Variants in PPL observed in about 807,000 individuals in gnomAD.
PPL encodes the protein periplakin.
In PPL, 198 loss-of-function variants were observed where a neutral mutation model predicts 194.4. That is an observed-to-expected ratio of 1.02 (90% CI 0.91 to 1.15). The LOEUF is 1.15. PPL is among the 50% of genes most tolerant of loss of function. The pLI, the probability that PPL is intolerant of heterozygous loss-of-function variation, is 0.00. For missense variants in PPL, 2,885 were observed against 2,294.8 expected, an observed-to-expected ratio of 1.26 and a Z score of -5.25; for synonymous variants, 1,220 against 972.4, an observed-to-expected ratio of 1.25 and a Z score of -4.74.
In PPL at chr16:4,901,023, T is replaced by G. The variant is rs778610287; in HGVS notation, c.505A>C (p.Asn169His). The G allele has an allele frequency of 6.2e-7, 1 of 1,614,178 alleles. No homozygotes were observed. Among genetic ancestry groups the G allele is most frequent in the Non-Finnish European group, 8.5e-7 (1 of 1,180,028 alleles). Reference protein sequence around the residue: ...PLVDHQVEEHNIFHNEVKAIG... With the variant: ...PLVDHQVEEHHIFHNEVKAIG... ...GCCTTGACCTCATTGTGGAAGATGT[T>G]ATGCTCCTCCACTTGGTGGTCCACC... Residue 169 changes from asparagine to histidine, a missense_variant, in exon 5 of 22, where the codon AAC (asparagine) becomes CAC (histidine). Coordinates refer to ENST00000345988, the MANE Select transcript of PPL (RefSeq NM_002705.5).
chr16:4,891,843 G>C lies in PPL; in HGVS notation c.1936C>G (p.Arg646Gly), dbSNP rs181246047. The change falls in exon 16 of 22, where the codon CGT becomes GGT. Residue 646 changes from arginine to glycine, a missense_variant. By Grantham distance (125) the Arg-to-Gly change is moderately radical. Transcript: ENST00000345988. ...TCCTGCCCCTTGCTGTCCAGGACAC[G>C]GCTGCTCTCAGGCACTGTGTCATCC... ...NQDDTVPESS[R>G]VLDSKGQELA... The C allele has an allele frequency of 1.9e-6, 3 of 1,613,254 alleles. No individual in the cohort carries two copies. The highest frequency in any genetic ancestry group is 8.5e-7 in the Non-Finnish European group (1 of 1,179,904).
At position 4,892,988 on chromosome 16, in the gene PPL, G is replaced by T. The variant is rs148803671; in HGVS notation, c.1650+225C>A. On this transcript the variant is annotated intron_variant, in intron 14 of 21. Coordinates refer to ENST00000345988, the MANE Select transcript of PPL (RefSeq NM_002705.5). Reference sequence around the variant, plus strand: ...ATGCCAGGCGTCAGATCGACAAGCCGTGCAGGAACAATGCAAGTCCTGCCA... The same window carrying T: ...ATGCCAGGCGTCAGATCGACAAGCCTTGCAGGAACAATGCAAGTCCTGCCA... 9.5e-6 allele frequency: 5 copies of T among 527,786 alleles called. No homozygotes were observed. In the East Asian group the frequency reaches 1.3e-4, roughly 14 times the overall value. 32.7% of individuals were successfully genotyped at this position (527,786 alleles called of 1,614,324 possible).
intron 8 of PPL, among the ~76,000 whole-genome samples, chr16:4,898,326 C>A (rs1297062646): frequency 6.6e-6 from 1 of 152,124 alleles, no homozygotes; most frequent in Admixed American, 6.5e-5. Context: ...TGCAGTGAGC[C>A]AAGATTACAC....
At chr16:4,916,918 T>C (rs1596576141) in intron 1 of PPL, among the ~76,000 whole-genome samples, 1 of 151,978 alleles carries the variant, frequency 6.6e-6, no homozygotes, top group Non-Finnish European at 1.5e-5. Flanking sequence ...TCACCTGAGG[T>C]CAGGAGTTCG....
At position 4,892,105 on chromosome 16, in the gene PPL, T is replaced by G. The variant is rs2088331604; in HGVS notation, c.1759A>C (p.Arg587=). 4.3e-6 allele frequency: 7 copies of G among 1,613,800 alleles called. No homozygotes were observed. The highest frequency in any genetic ancestry group is 5.1e-6 in the Non-Finnish European group (6 of 1,180,022). Residue 587 remains arginine, a synonymous_variant, in exon 15 of 22, where the codon AGG becomes CGG. Transcript: ENST00000345988. ...CGGTTGGTGTCCTCCACCCGGGTCC[T>G]CAGCAGGGGTGTGGTGCCACTGCCT... ...LPGSGTTPLL[R]TRVEDTNRKY...
rs372157993 is a variant in PPL at position 4,883,420 on chromosome 16, G to C, written c.5235C>G (p.Ile1745Met). ...YDRYVNKDMS[I>M]QELAVLVSGQ... ...CAGATACCAAGACCGCCAGCTCCTG[G>C]ATGGACATATCCTTGTTGACATAGC... The change falls in exon 22 of 22, where the codon ATC becomes ATG. Residue 1745 changes from isoleucine (I) to methionine (M), a missense_variant. Coordinates refer to ENST00000345988, the MANE Select transcript of PPL (RefSeq NM_002705.5). The surrounding 1 kb of genome is among the most constrained non-coding windows in gnomAD (Gnocchi z 4.8). 3 of 1,614,040 alleles carry C rather than the reference G, an allele frequency of 1.9e-6. No homozygotes were observed. In the African/African-American group the frequency reaches 4.0e-5, roughly 22 times the overall value.
At chr16:4,893,060 G>T in intron 14 of PPL, 153 bp downstream of exon 14, 1 of 1,007,738 alleles carries the variant, frequency 9.9e-7, no homozygotes, top group Non-Finnish European at 1.4e-6. Flanking sequence ...CCACCTCCAT[G>T]ACTTGGGACC....
At chr16:4,927,781 C>T (rs1274206192) in intron 1 of PPL, among the ~76,000 whole-genome samples, 2 of 152,206 alleles carry the variant, frequency 1.3e-5, no homozygotes, top group African/African-American at 4.8e-5. Context: ...CAGGGAAGGC[C>T]GCCCTGCCTC....
At chr16:4,935,083 G>A (rs950537573) in intron 1 of PPL, among the ~76,000 whole-genome samples, 10 of 152,146 alleles carry the variant, frequency 6.6e-5, no homozygotes, top group African/African-American at 2.4e-4. Flanking sequence ...ATCAGCCTAG[G>A]ACAGACCGTG....
In PPL at chr16:4,893,380, G is replaced by C. The variant is rs201797532; in HGVS notation, c.1493-10C>G. ...TGTAGGTCAGAGGCATCTGTGGAGG[G>C]AGGGAGGACACAGGCAGGTGTGACA... On this transcript the variant is annotated splice_polypyrimidine_tract_variant and intron_variant, in intron 13 of 21. Coordinates refer to ENST00000345988, the MANE Select transcript of PPL (RefSeq NM_002705.5). The C allele has an allele frequency of 1.0e-4, 167 of 1,604,574 alleles. 1 individual carries two copies. The highest frequency in any genetic ancestry group is 2.7e-5 in the African/African-American group (2 of 75,030).
chr16:4,910,831 TG>T lies in PPL; in HGVS notation c.162+18del, dbSNP rs759106947. The T allele has an allele frequency of 2.6e-5, 41 of 1,606,410 alleles. No homozygotes were observed. The highest frequency in any genetic ancestry group is 3.5e-5 in the Non-Finnish European group (41 of 1,173,540). ...GCAGCACGGGGCACCCAGGTGGGAGTGGGAGTGGGGGCACTCACACTCTGCA... is the reference window on the plus strand; with the variant it reads ...GCAGCACGGGGCACCCAGGTGGGAGTGGAGTGGGGGCACTCACACTCTGCA... On this transcript the variant is annotated intron_variant, in intron 2 of 21. Coordinates refer to ENST00000345988, the MANE Select transcript of PPL (RefSeq NM_002705.5).
At chr16:4,916,906 G>A (rs560662150) in intron 1 of PPL, among the ~76,000 whole-genome samples, 48 of 152,134 alleles carry the variant, frequency 3.2e-4, no homozygotes, top group Non-Finnish European at 5.4e-4. Context: ...GAGGCAGGTG[G>A]ATCACCTGAG....
chr16:4,915,949 C>T (rs961832250), intron 1 of PPL, among the ~76,000 whole-genome samples: 21 of 152,184 alleles, frequency 1.4e-4, no homozygotes, highest in African/African-American at 3.9e-4. Context: ...TCCCAGCACA[C>T]AGTAGGTACT....
intron 1 of PPL, among the ~76,000 whole-genome samples, chr16:4,930,474 G>C (rs1206707827): frequency 6.6e-6 from 1 of 152,210 alleles, no homozygotes; most frequent in Non-Finnish European, 1.5e-5. Flanking sequence ...GCAGGGCAAT[G>C]TATGCTCTCT....
chr16:4,906,581 CA>C (rs1202293267), intron 2 of PPL, among the ~76,000 whole-genome samples: 1 of 152,164 alleles, frequency 6.6e-6, no homozygotes, highest in African/African-American at 2.4e-5. Flanking sequence ...AGCTGCAGAT[CA>C]AAGATTAATT....
intron 16 of PPL, chr16:4,891,533 C>T: frequency 2.7e-6 from 1 of 368,582 alleles, no homozygotes; most frequent in Admixed American, 4.5e-5. Context: ...CCTGCCCCAG[C>T]CTCCTGAATG....
chr16:4,884,583 A>T lies in PPL; in HGVS notation c.4072T>A (p.Tyr1358Asn), dbSNP rs2088177992. The T allele has an allele frequency of 6.2e-7, 1 of 1,613,574 alleles. No individual in the cohort carries two copies. Among genetic ancestry groups the T allele is most frequent in the African/African-American group, 1.3e-5 (1 of 74,800 alleles). ...GCCCGCAGGCCTGGCTCCTCCTCAT[A>T]CCTGACCACCTCCTGCTGCACCACC... ...ERVVQQEVVRYEEEPGLRAEA... is the reference protein window; with the variant it reads ...ERVVQQEVVRNEEEPGLRAEA... The change falls in exon 22 of 22, where the codon TAT becomes AAT. Residue 1358 changes from tyrosine to asparagine, a missense_variant. Transcript: ENST00000345988. This position sits in a 1 kb window ranked among gnomAD's most constrained non-coding sequence, Gnocchi z 5.7.
At chr16:4,925,982 CG>C (rs2089148015) in intron 1 of PPL, among the ~76,000 whole-genome samples, 1 of 152,146 alleles carries the variant, frequency 6.6e-6, no homozygotes. Flanking sequence ...TGATGGTAAA[CG>C]GAGACTGAGT....
chr16:4,922,393 G>A (rs2089066980), intron 1 of PPL, among the ~76,000 whole-genome samples: 1 of 152,166 alleles, frequency 6.6e-6, no homozygotes, highest in Non-Finnish European at 1.5e-5. Flanking sequence ...TGGGCGTGGT[G>A]GCTCATGCCT....
Sources: gnomAD v4.1 joint callset for allele counts (sites outside exome capture counted in the v4.1 genomes callset) on GRCh38, gnomAD v4.1.1 for gene constraint, Gnocchi (gnomAD v3.1) non-coding constraint, MANE v1.5 for transcripts, NCBI Gene and HGNC (gene_info 2026-07-23, HGNC 2026-07-21) for gene names.